FREM1: variants seen among roughly 807,000 people sequenced by gnomAD.
FREM1 encodes FRAS1-related extracellular matrix protein 1.
FREM1 carries 220 observed loss-of-function variants against 210.1 expected under a neutral mutation model. The observed-to-expected ratio is 1.05, with a 90% CI of 0.94 to 1.17. The LOEUF (loss-of-function observed/expected upper bound fraction) is 1.17. Among genes scored for constraint, FREM1 ranks in the 50% most tolerant of loss-of-function variants. FREM1 has a pLI of 0.00. For synonymous variants in FREM1, 1,189 were observed against 980.2 expected, an observed-to-expected ratio of 1.21 and a Z score of -3.98; for missense variants, 3,454 against 2,675.5, an observed-to-expected ratio of 1.29 and a Z score of -6.42.
chr9:14,809,472 A>T (rs1818993825), intron 16 of FREM1, among the ~76,000 whole-genome samples: 1 of 152,178 alleles, frequency 6.6e-6, no homozygotes, highest in Admixed American at 6.5e-5. Context: ...TTTAAAAATG[A>T]CAAGGAAAAT....
At chr9:14,843,729 A>G (rs1826098501) in intron 8 of FREM1, among the ~76,000 whole-genome samples, 1 of 148,498 alleles carries the variant, frequency 6.7e-6, no homozygotes, top group Non-Finnish European at 1.5e-5. Flanking sequence ...GTCTCAAACC[A>G]GCAGCCTCAG....
intron 29 of FREM1, among the ~76,000 whole-genome samples, chr9:14,751,211 C>G (rs1843313741): frequency 6.6e-6 from 1 of 152,190 alleles, no homozygotes. Flanking sequence ...GAGGAATAAA[C>G]ACAGTAAACT....
intron 19 of FREM1, among the ~76,000 whole-genome samples, chr9:14,804,436 T>G (rs1186731963): frequency 6.6e-6 from 1 of 151,992 alleles, no homozygotes; most frequent in Non-Finnish European, 1.5e-5. Context: ...ATACAAAAAA[T>G]TAGCCGGGCG....
intron 1 of FREM1, among the ~76,000 whole-genome samples, chr9:14,890,803 A>G (rs1012144400): frequency 1.2e-4 from 19 of 152,232 alleles, no homozygotes; most frequent in African/African-American, 4.3e-4. Flanking sequence ...GAGGGAAAAA[A>G]TGTGTGCCCT....
chr9:14,787,591 A>T (rs951400990), intron 23 of FREM1, among the ~76,000 whole-genome samples: 2 of 152,100 alleles, frequency 1.3e-5, no homozygotes, highest in Admixed American at 6.6e-5. Context: ...AGTGCATGAC[A>T]TCCCCTAATT....
At chr9:14,892,235 C>T (rs1022068523) in intron 1 of FREM1, among the ~76,000 whole-genome samples, 1 of 152,110 alleles carries the variant, frequency 6.6e-6, no homozygotes. Context: ...GATCCAGTAA[C>T]ATTATTCTGC....
At chr9:14,804,441 C>T (rs1421801047) in intron 19 of FREM1, among the ~76,000 whole-genome samples, 11 of 152,066 alleles carry the variant, frequency 7.2e-5, no homozygotes, top group African/African-American at 2.2e-4. Flanking sequence ...AAAAATTAGC[C>T]GGGCGTGGTG....
chr9:14,849,070 T>C (rs1285871949), intron 6 of FREM1, among the ~76,000 whole-genome samples: 2 of 152,204 alleles, frequency 1.3e-5, no homozygotes, highest in East Asian at 3.9e-4. Context: ...CCTTCCCACA[T>C]TCAGTCACTT....
intron 13 of FREM1, among the ~76,000 whole-genome samples, chr9:14,821,493 T>G (rs1034740797): frequency 6.6e-6 from 1 of 152,216 alleles, no homozygotes; most frequent in Non-Finnish European, 1.5e-5. Context: ...GCTAGGCTAT[T>G]TGATGGCCTG....
At chr9:14,789,318 C>T (rs750914520) in intron 22 of FREM1, among the ~76,000 whole-genome samples, 12 of 151,982 alleles carry the variant, frequency 7.9e-5, no homozygotes, top group Non-Finnish European at 1.5e-4. Flanking sequence ...GGAAAAACAC[C>T]GGCTTCAACC....
intron 10 of FREM1, among the ~76,000 whole-genome samples, chr9:14,840,815 T>C (rs540095384): frequency 1.3e-5 from 2 of 152,334 alleles, no homozygotes; most frequent in South Asian, 4.2e-4. Context: ...GACTCCACTT[T>C]CTGTAATTTC....
intron 1 of FREM1, among the ~76,000 whole-genome samples, chr9:14,896,421 G>C (rs1057077190): frequency 3.3e-5 from 5 of 151,890 alleles, no homozygotes; most frequent in Non-Finnish European, 7.4e-5. Flanking sequence ...GTGTGCACCT[G>C]TAATCCCAGC....
In FREM1 at chr9:14,859,187, C is replaced by A; in HGVS notation, c.627G>T (p.Glu209Asp). The A allele has an allele frequency of 6.4e-7, 1 of 1,574,462 alleles. No homozygotes were observed. Among genetic ancestry groups the A allele is most frequent in the Non-Finnish European group, 8.6e-7 (1 of 1,161,366 alleles). ...RGDQPHSFFP[E>D]SQLRAKLKCP... Reference sequence around the variant, plus strand: ...AGGCATTAAAAGACATCATACGGGACTCTGGGAAAAAACTGTGTGGCTGAT... The same window carrying A: ...AGGCATTAAAAGACATCATACGGGAATCTGGGAAAAAACTGTGTGGCTGAT... The change falls in exon 4 of 37, where the codon GAG becomes GAT. Residue 209 changes from glutamate to aspartate, a missense_variant. Coordinates refer to ENST00000380880, the MANE Select transcript of FREM1 (RefSeq NM_001379081.2).
chr9:14,773,915 T>C (rs1848057982), intron 25 of FREM1: 1 of 338,232 alleles, frequency 3.0e-6, no homozygotes, highest in Non-Finnish European at 5.7e-6. Context: ...GTATCCCTGG[T>C]TGGACAGTAC....
chr9:14,861,024 T>C (rs1306396152), intron 3 of FREM1, among the ~76,000 whole-genome samples: 1 of 99,208 alleles, frequency 1.0e-5, no homozygotes, highest in South Asian at 2.7e-4. Context: ...TATATACACA[T>C]ATATACATAT....
intron 1 of FREM1, among the ~76,000 whole-genome samples, chr9:14,881,215 G>C (rs1337066627): frequency 2.0e-5 from 3 of 152,134 alleles, no homozygotes; most frequent in Non-Finnish European, 4.4e-5. Context: ...ATTATGCAAA[G>C]GCACATAAAA....
chr9:14,826,079 A>C (rs556031092), intron 10 of FREM1, among the ~76,000 whole-genome samples: 3 of 150,474 alleles, frequency 2.0e-5, no homozygotes, highest in African/African-American at 7.3e-5. Context: ...AAGACTTTCA[A>C]TATACACTCT....
At chr9:14,818,926 AG>A (rs564281411) in intron 14 of FREM1, among the ~76,000 whole-genome samples, 48 of 152,176 alleles carry the variant, frequency 3.2e-4, no homozygotes, top group Non-Finnish European at 6.0e-4. Flanking sequence ...CTCTTTATCT[AG>A]TTTGACTATT....
intron 24 of FREM1, chr9:14,779,436 G>A: frequency 2.1e-6 from 2 of 972,216 alleles, no homozygotes; most frequent in Non-Finnish European, 2.4e-6. Flanking sequence ...GATGGGACCA[G>A]GAGCAACAAA....
Sources: allele counts gnomAD v4.1 joint callset (sites outside exome capture counted in the v4.1 genomes callset), GRCh38; gene constraint gnomAD v4.1.1; transcripts MANE v1.5; gene names NCBI Gene and HGNC (gene_info 2026-07-23, HGNC 2026-07-21).